Variants in FNTB observed in about 807,000 individuals in gnomAD.
FNTB encodes protein farnesyltransferase subunit beta.
In FNTB, 27 loss-of-function variants were observed where a neutral mutation model predicts 59.4. The ratio of observed to expected loss-of-function variants is 0.45; its 90% CI spans 0.34 to 0.63. The LOEUF is 0.63. Ranked by LOEUF, FNTB falls within the 20% of genes least tolerant of loss-of-function variation. The pLI is 0.02. For missense variants in FNTB, 449 were observed against 559.6 expected (o/e 0.80, Z 1.99); for synonymous variants, 230 against 220.7 (o/e 1.04, Z -0.37).
rs1368654808 is a variant in FNTB, at chr14:65,001,970, TG to T, written c.145-2278del. On this transcript the variant is annotated intron_variant, in intron 1 of 11. Transcript: ENST00000246166. This position sits in a 1 kb window ranked among gnomAD's most constrained non-coding sequence, Gnocchi z 5.5. ...TATCAAAGCGTATTCTAAAACCAGA[TG>T]TAAATTAATTTTAGATTGGCTGCCA... Among the ~76,000 whole-genome samples, 1 of 152,214 alleles carries T rather than the reference TG, an allele frequency of 6.6e-6. No homozygotes were observed. The highest frequency in any genetic ancestry group is 2.4e-5 in the African/African-American group (1 of 41,450).
chr14:65,000,838 A>AAAAAAAAAAAAAAAAAAAAAAG lies in FNTB; in HGVS notation c.145-3408_145-3407insAAAAAAAAAAAAAAAAAAGAAA, dbSNP rs778200008. On this transcript the variant is annotated intron_variant, in intron 1 of 11. Coordinates refer to ENST00000246166, the MANE Select transcript of FNTB (RefSeq NM_002028.4). ...CTCAAAAAAAAAAAAAAAAAAAAAA[A>AAAAAAAAAAAAAAAAAAAAAAG]AAAGAATAGTTACCCAAAAAGCTGG... 1.4e-3 allele frequency among the ~76,000 whole-genome samples: 165 copies of AAAAAAAAAAAAAAAAAAAAAAG among 116,064 alleles called. 15 individuals carry two copies. The highest frequency in any genetic ancestry group is 2.3e-3 in the Non-Finnish European group (115 of 49,722). The allele number at this position is 116,064 out of a possible 152,430, so 76.1% of individuals were successfully genotyped here. A position where few individuals can be genotyped will look rare whatever the true frequency, so the allele number is the denominator to read the frequency against.
chr14:65,053,481 T>C, intron 10 of FNTB, 132 bp downstream of exon 10: 2 of 795,674 alleles, frequency 2.5e-6, no homozygotes, highest in South Asian at 1.3e-4. Flanking sequence ...CGCTAGGTTG[T>C]ATGGGAAAAA....
Position 65,044,670 on chromosome 14 carries a change from A to C in FNTB, c.955+227A>C, listed in dbSNP as rs1185909400. On this transcript the variant is annotated intron_variant, in intron 9 of 11. Coordinates refer to ENST00000246166, the MANE Select transcript of FNTB (RefSeq NM_002028.4). This position sits in a 1 kb window ranked among gnomAD's most constrained non-coding sequence, Gnocchi z 5.5. ...GCTTCTTCAAATTGGCTGCGACAGA[A>C]TGAGCTTCCTTGAAATTGCTACGGG... The C allele has an allele frequency of 7.5e-6, 5 of 663,524 alleles. No homozygotes were observed. Among genetic ancestry groups the C allele is most frequent in the Non-Finnish European group, 1.2e-5 (5 of 433,774 alleles). 41.1% of individuals were successfully genotyped at this position (663,524 alleles called of 1,614,324 possible). A position where few individuals can be genotyped will look rare whatever the true frequency, so the allele number is the denominator to read the frequency against.
rs1320519815 is a variant in FNTB at position 65,031,324 on chromosome 14, G to GTT, written c.606-1276_606-1275dup. ...TCAAGTATAATAATTTTTTGTGTTT[G>GTT]TTTTTTTTTTTGAGACAGAGTCTCA... On this transcript the variant is annotated intron_variant, in intron 6 of 11. Coordinates refer to ENST00000246166, the MANE Select transcript of FNTB (RefSeq NM_002028.4). This position sits in a 1 kb window ranked among gnomAD's most constrained non-coding sequence, Gnocchi z 4.6. Among the ~76,000 whole-genome samples the GTT allele has an allele frequency of 1.4e-5, 2 of 144,228 alleles. No homozygotes were observed. Among genetic ancestry groups the GTT allele is most frequent in the African/African-American group, 2.5e-5 (1 of 39,476 alleles). The allele number at this position is 144,228 out of a possible 152,430, so 94.6% of individuals were successfully genotyped here.
chr14:65,055,970 T>C (rs1424196846), intron 11 of FNTB, among the ~76,000 whole-genome samples: 6 of 152,212 alleles, frequency 3.9e-5, no homozygotes, highest in Non-Finnish European at 8.8e-5. Flanking sequence ...TTGCCTCTTA[T>C]GTAGCCCTCT....
intron 9 of FNTB, among the ~76,000 whole-genome samples, chr14:65,045,375 CT>C (rs371277598): frequency 1.4e-4 from 21 of 151,812 alleles, no homozygotes; most frequent in African/African-American, 4.6e-4. Context: ...CCTCCCCATA[CT>C]TTTTTTTCCT....
intron 1 of FNTB, among the ~76,000 whole-genome samples, chr14:64,995,694 GAT>G (rs1023973667): frequency 3.3e-5 from 5 of 149,952 alleles, no homozygotes; most frequent in African/African-American, 4.9e-5. Context: ...ATATTTTAAA[GAT>G]ATATGTGTAT....
Position 65,012,242 on chromosome 14 carries a change from G to A in FNTB, c.210-75G>A. 1 of 1,581,288 alleles carries A rather than the reference G, an allele frequency of 6.3e-7. No homozygotes were observed. Among genetic ancestry groups the A allele is most frequent in the African/African-American group, 1.3e-5 (1 of 74,360 alleles). Reference sequence around the variant, plus strand: ...TGAAGCTGAGTGTTTACCCGTGTGTGTGTACGTGCACATACGTGTGTATGG... The same window carrying A: ...TGAAGCTGAGTGTTTACCCGTGTGTATGTACGTGCACATACGTGTGTATGG... On this transcript the variant is annotated intron_variant, in intron 2 of 11. Transcript: ENST00000246166. This position sits in a 1 kb window ranked among gnomAD's most constrained non-coding sequence, Gnocchi z 5.0.
chr14:65,000,092 A>C (rs933476564), intron 1 of FNTB, among the ~76,000 whole-genome samples: 1 of 152,226 alleles, frequency 6.6e-6, no homozygotes, highest in Non-Finnish European at 1.5e-5. Context: ...TCTAAGTGCC[A>C]GAATGCCAAG....
intron 7 of FNTB, among the ~76,000 whole-genome samples, chr14:65,035,701 T>TA (rs374521318): frequency 3.7e-4 from 55 of 150,412 alleles, no homozygotes; most frequent in Middle Eastern, 6.8e-3. Context: ...AGCTAATGTT[T>TA]AAAAAAAAAA....
At chr14:65,013,325 C>CTTTTTT (rs11413261) in intron 3 of FNTB, among the ~76,000 whole-genome samples, 1 of 146,750 alleles carries the variant, frequency 6.8e-6, no homozygotes. Flanking sequence ...TCTTTGTTTC[C>CTTTTTT]TTTTTTTTTT....
At chr14:65,043,667 A>G (rs1264095826) in intron 8 of FNTB, among the ~76,000 whole-genome samples, 1 of 151,152 alleles carries the variant, frequency 6.6e-6, no homozygotes, top group Non-Finnish European at 1.5e-5. Context: ...CTAAAAATAC[A>G]AAAAATTAGC....
At chr14:65,034,103 G>T (rs1050473880) in intron 7 of FNTB, among the ~76,000 whole-genome samples, 1 of 152,084 alleles carries the variant, frequency 6.6e-6, no homozygotes, top group Admixed American at 6.6e-5. Context: ...CAAATTGTCT[G>T]TCAGAGCTAT....
intron 7 of FNTB, among the ~76,000 whole-genome samples, chr14:65,034,567 T>C (rs1451022225): frequency 6.6e-6 from 1 of 152,220 alleles, no homozygotes; most frequent in Non-Finnish European, 1.5e-5. Flanking sequence ...GTAACCAGAG[T>C]TCATTGAGGA....
chr14:65,035,419 G>T (rs1274298482), intron 7 of FNTB, among the ~76,000 whole-genome samples: 2 of 152,118 alleles, frequency 1.3e-5, no homozygotes, highest in African/African-American at 4.8e-5. Flanking sequence ...TTTGCAGGGG[G>T]GTTGACTGGT....
In FNTB at chr14:65,061,535, C is replaced by A; in HGVS notation, c.*223C>A. The A allele has an allele frequency of 1.6e-6, 1 of 644,938 alleles. No homozygotes were observed. 40.0% of individuals were successfully genotyped at this position (644,938 alleles called of 1,614,324 possible). On this transcript the variant is annotated 3_prime_UTR_variant, in exon 12 of 12. Coordinates refer to ENST00000246166, the MANE Select transcript of FNTB (RefSeq NM_002028.4). ...CACACCTGTCAAACCAAAAATCTATCAGCCCACGTGGTGTGGTTGGTGAAC... is the reference window on the plus strand; with the variant it reads ...CACACCTGTCAAACCAAAAATCTATAAGCCCACGTGGTGTGGTTGGTGAAC...
At chr14:65,010,164 C>T (rs1244876311) in intron 2 of FNTB, among the ~76,000 whole-genome samples, 3 of 152,202 alleles carry the variant, frequency 2.0e-5, no homozygotes, top group Non-Finnish European at 4.4e-5. Context: ...GAAATTCTCT[C>T]CTCCCTGATG....
intron 7 of FNTB, among the ~76,000 whole-genome samples, chr14:65,035,530 TTC>T (rs145538241): frequency 1.3e-5 from 2 of 152,132 alleles, no homozygotes; most frequent in Admixed American, 6.5e-5. Context: ...TGTCTTTCAA[TTC>T]TCTCTTTCTT....
chr14:64,995,399 G>A (rs1888355225), intron 1 of FNTB, among the ~76,000 whole-genome samples: 1 of 152,122 alleles, frequency 6.6e-6, no homozygotes. Context: ...GTTATGTACT[G>A]TACATAATTG....
Sources: allele counts gnomAD v4.1 joint callset (sites outside exome capture counted in the v4.1 genomes callset), GRCh38; gene constraint gnomAD v4.1.1; non-coding constraint Gnocchi (gnomAD v3.1); transcripts MANE v1.5; gene names NCBI Gene and HGNC (gene_info 2026-07-23, HGNC 2026-07-21).